The following BTBD9 variants were observed in gnomAD, a reference collection of about 807,000 sequenced individuals.
The protein encoded by BTBD9 is BTB/POZ domain-containing protein 9.
In BTBD9, 49 loss-of-function variants were observed where a neutral mutation model predicts 64.3. That is an observed-to-expected ratio of 0.76 (90% confidence interval 0.61 to 0.97). BTBD9 has a LOEUF of 0.97. BTBD9 is among the 50% of genes least tolerant of loss of function. The pLI, the probability that BTBD9 is intolerant of heterozygous loss-of-function variation, is 0.00. For synonymous variants in BTBD9, 260 were observed against 274.7 expected (o/e 0.95, Z 0.53); for missense variants, 598 against 762.1 (o/e 0.78, Z 2.53).
At chr6:38,333,608 T>C (rs192144257) in intron 7 of BTBD9, among the ~76,000 whole-genome samples, 2 of 152,238 alleles carry the variant, frequency 1.3e-5, no homozygotes, top group Admixed American at 1.3e-4. Flanking sequence ...TCCTTCACTC[T>C]TTCTCTCTCT....
chr6:38,369,911 A>G (rs961550741), intron 6 of BTBD9, among the ~76,000 whole-genome samples: 2 of 152,246 alleles, frequency 1.3e-5, no homozygotes, highest in Non-Finnish European at 2.9e-5. Flanking sequence ...ATGTATTCTC[A>G]CTGAAGAAGA....
intron 1 of BTBD9, among the ~76,000 whole-genome samples, chr6:38,601,213 T>G (rs887503261): frequency 2.6e-5 from 4 of 152,216 alleles, no homozygotes; most frequent in African/African-American, 9.7e-5. Context: ...TTTCCATCCC[T>G]TGCTCAGGTG....
intron 6 of BTBD9, among the ~76,000 whole-genome samples, chr6:38,507,138 C>T (rs1186289001): frequency 6.6e-6 from 1 of 152,228 alleles, no homozygotes; most frequent in Admixed American, 6.5e-5. Flanking sequence ...TCTGACCACA[C>T]AATCTTAAGT....
intron 6 of BTBD9, among the ~76,000 whole-genome samples, chr6:38,457,223 G>A (rs143836425): frequency 6.6e-6 from 1 of 152,274 alleles, no homozygotes; most frequent in African/African-American, 2.4e-5. Flanking sequence ...ATTTGGAGGT[G>A]AGACACCAAT....
chr6:38,210,842 G>T (rs1201378481), intron 9 of BTBD9, among the ~76,000 whole-genome samples: 1 of 152,072 alleles, frequency 6.6e-6, no homozygotes, highest in Non-Finnish European at 1.5e-5. Context: ...TTCTCCAAGA[G>T]ACCATCAGGT....
chr6:38,449,728 G>C (rs558270264), intron 6 of BTBD9, among the ~76,000 whole-genome samples: 1 of 151,760 alleles, frequency 6.6e-6, no homozygotes, highest in Non-Finnish European at 1.5e-5. Flanking sequence ...AACGTAGTGA[G>C]ACCTCATCTC....
chr6:38,618,727 G>A (rs1023153630), intron 1 of BTBD9, among the ~76,000 whole-genome samples: 5 of 152,198 alleles, frequency 3.3e-5, no homozygotes, highest in African/African-American at 1.2e-4. Flanking sequence ...TAGGTATATA[G>A]ATATCCTATA....
At chr6:38,527,267 A>C (rs1284295898) in intron 6 of BTBD9, among the ~76,000 whole-genome samples, 5 of 22,598 alleles carry the variant, frequency 2.2e-4, no homozygotes, top group African/African-American at 3.8e-4. Context: ...CTGTCTCAAA[A>C]AAAAAAAAAA....
intron 4 of BTBD9, among the ~76,000 whole-genome samples, chr6:38,586,338 T>C (rs1339432146): frequency 3.3e-5 from 5 of 151,930 alleles, no homozygotes; most frequent in Admixed American, 2.6e-4. Flanking sequence ...TCATTATATA[T>C]GCATAAAACT....
chr6:38,509,502 A>G (rs978097393), intron 6 of BTBD9, among the ~76,000 whole-genome samples: 2 of 152,230 alleles, frequency 1.3e-5, no homozygotes, highest in Admixed American at 1.3e-4. Flanking sequence ...ACAGAAAAAC[A>G]TCAGCTATTT....
At chr6:38,572,721 T>G (rs1268879339) in intron 6 of BTBD9, among the ~76,000 whole-genome samples, 1 of 151,130 alleles carries the variant, frequency 6.6e-6, no homozygotes, top group Non-Finnish European at 1.5e-5. Flanking sequence ...AAAAGATCTA[T>G]GCAAAATATC....
In BTBD9 at chr6:38,594,203, C is replaced by T. The variant is rs764002453; in HGVS notation, c.310G>A (p.Asp104Asn). The change falls in exon 3 of 11, where the codon GAT becomes AAT. Residue 104 changes from aspartate (D) to asparagine (N), a missense_variant. Transcript: ENST00000481247. ...YIYTGRATLT[D>N]EKEEVLLDFL... is the part of the protein sequence containing the mutation. ...TCCAGCAGCACCTCCTCCTTCTCAT[C>T]TGTCAGCGTTGCCCGCCCAGTGTAG... is the stretch of plus-strand genomic sequence containing the variant. 1.2e-6 allele frequency: 2 copies of T among 1,614,228 alleles called. No individual in the cohort carries two copies. Among genetic ancestry groups the T allele is most frequent in the Non-Finnish European group, 1.7e-6 (2 of 1,180,026 alleles).
At chr6:38,308,007 C>T (rs1237929589) in intron 7 of BTBD9, among the ~76,000 whole-genome samples, 1 of 152,216 alleles carries the variant, frequency 6.6e-6, no homozygotes, top group Non-Finnish European at 1.5e-5. Context: ...AATTTTCTCT[C>T]TCTCCTCACA....
At chr6:38,316,188 T>A (rs1763022095) in intron 7 of BTBD9, among the ~76,000 whole-genome samples, 1 of 152,246 alleles carries the variant, frequency 6.6e-6, no homozygotes, top group African/African-American at 2.4e-5. Context: ...AGTTTCAGTC[T>A]ATGTGTTTCT....
chr6:38,213,518 C>T (rs902827685), intron 9 of BTBD9, among the ~76,000 whole-genome samples: 7 of 152,158 alleles, frequency 4.6e-5, no homozygotes, highest in African/African-American at 1.2e-4. Context: ...GTCTTTGAGG[C>T]AGGCCCCATA....
At chr6:38,387,402 T>C (rs974501821) in intron 6 of BTBD9, among the ~76,000 whole-genome samples, 3 of 152,124 alleles carry the variant, frequency 2.0e-5, no homozygotes, top group Admixed American at 6.5e-5. Context: ...CCGGGTGTAG[T>C]GGCACATGCC....
chr6:38,523,922 AACCAC>A (rs1562295060), intron 6 of BTBD9, among the ~76,000 whole-genome samples: 1 of 152,154 alleles, frequency 6.6e-6, no homozygotes, highest in Non-Finnish European at 1.5e-5. Flanking sequence ...TGTGCTCTTA[AACCAC>A]TGTGTTCTGC....
At chr6:38,195,383 C>T (rs1441296202) in intron 9 of BTBD9, among the ~76,000 whole-genome samples, 1 of 152,188 alleles carries the variant, frequency 6.6e-6, no homozygotes, top group African/African-American at 2.4e-5. Flanking sequence ...TAGGCAAAAC[C>T]TCCAGGAAAG....
chr6:38,526,822 A>G (rs769634165), intron 6 of BTBD9, among the ~76,000 whole-genome samples: 18 of 152,178 alleles, frequency 1.2e-4, no homozygotes, highest in Non-Finnish European at 2.4e-4. Flanking sequence ...CATTGTATCT[A>G]GGAAGTAACT....
Sources: gnomAD v4.1 joint callset for allele counts (sites outside exome capture counted in the v4.1 genomes callset) on GRCh38, gnomAD v4.1.1 for gene constraint, MANE v1.5 for transcripts, NCBI Gene and HGNC (gene_info 2026-07-23, HGNC 2026-07-21) for gene names.